The following LAMC1 variants were observed in gnomAD, a reference collection of about 807,000 sequenced individuals.
LAMC1 encodes the protein laminin subunit gamma-1.
LAMC1 carries 38 observed loss-of-function variants against 173.6 expected under a neutral mutation model. That is an observed-to-expected ratio of 0.22 (90% CI 0.17 to 0.29). LAMC1 has a LOEUF of 0.29. Ranked by LOEUF, LAMC1 falls within the 10% of genes least tolerant of loss-of-function variation. LAMC1 has a pLI of 1.00. For missense variants in LAMC1, 1,824 were observed against 2,051.8 expected, an observed-to-expected ratio of 0.89 and a Z score of 2.14; for synonymous variants, 746 against 749.1, an observed-to-expected ratio of 1.00 and a Z score of 0.07.
intron 1 of LAMC1, among the ~76,000 whole-genome samples, chr1:183,052,950 A>G (rs530841229): frequency 1.4e-3 from 215 of 152,292 alleles, no homozygotes; most frequent in African/African-American, 5.1e-3. Context: ...TTATTGTCTT[A>G]AGGGTATGTG....
At chr1:183,036,033 C>T (rs1043011616) in intron 1 of LAMC1, among the ~76,000 whole-genome samples, 2 of 151,978 alleles carry the variant, frequency 1.3e-5, no homozygotes, top group Non-Finnish European at 1.5e-5. Context: ...GAGTGCTGAC[C>T]ACCATTCTTC....
At chr1:183,142,506 C>A in intron 27 of LAMC1, 28 bp from the exon 28 acceptor site, 10 of 1,579,872 alleles carry the variant, frequency 6.3e-6, no homozygotes, top group Non-Finnish European at 8.6e-6. Context: ...TATGTCTGTT[C>A]TCTTCTATGT....
intron 4 of LAMC1, among the ~76,000 whole-genome samples, chr1:183,112,266 T>G (rs1242686439): frequency 2.6e-5 from 4 of 152,216 alleles, no homozygotes; most frequent in Non-Finnish European, 5.9e-5. Flanking sequence ...TGTTGGAAGC[T>G]CTACAATAAA....
Position 183,118,056 on chromosome 1 carries a change from C to T in LAMC1, c.1900C>T (p.Pro634Ser). 1 of 1,612,514 alleles carries T rather than the reference C, an allele frequency of 6.2e-7. No individual in the cohort carries two copies. Among genetic ancestry groups the T allele is most frequent in the Non-Finnish European group, 8.5e-7 (1 of 1,178,656 alleles). Residue 634 changes from proline to serine, a missense_variant, in exon 11 of 28, where the codon CCT becomes TCT. By Grantham distance (74) the Pro-to-Ser change is moderately conservative. Coordinates refer to ENST00000258341, the MANE Select transcript of LAMC1 (RefSeq NM_002293.4). ...VFRLHEATDY[P>S]WRPALTPFEF... The stretch of plus-strand genomic sequence containing the variant: ...CAGGCTCCATGAAGCAACAGATTAC[C>T]CTTGGAGGCCTGCTCTTACCCCTTT...
chr1:183,081,034 G>T (rs1190421617), intron 1 of LAMC1, among the ~76,000 whole-genome samples: 4 of 151,966 alleles, frequency 2.6e-5, no homozygotes, highest in Admixed American at 6.6e-5. Flanking sequence ...GACTACAGGT[G>T]CCTGCCACCA....
intron 1 of LAMC1, among the ~76,000 whole-genome samples, chr1:183,063,925 G>A (rs116879330): frequency 2.6e-5 from 4 of 152,066 alleles, no homozygotes; most frequent in African/African-American, 4.8e-5. Context: ...TGTTTACCTC[G>A]CACGTAGTTC....
At chr1:183,137,010 C>T (rs192087054) in intron 25 of LAMC1, among the ~76,000 whole-genome samples, 151 of 152,212 alleles carry the variant, frequency 9.9e-4, no homozygotes, top group African/African-American at 3.6e-3. Flanking sequence ...CTAGGAGAGA[C>T]TTCCCATAGC....
chr1:183,090,561 G>A (rs74129641), intron 1 of LAMC1, among the ~76,000 whole-genome samples: 3,526 of 152,330 alleles, frequency 0.023, 130 homozygotes, highest in African/African-American at 0.081. Context: ...GTACTTGCGT[G>A]ATGTAAATTG....
At chr1:183,100,032 A>G (rs1395440450) in intron 1 of LAMC1, among the ~76,000 whole-genome samples, 1 of 152,166 alleles carries the variant, frequency 6.6e-6, no homozygotes, top group Non-Finnish European at 1.5e-5. Flanking sequence ...ACCTCATGGA[A>G]TGGGAAAAAG....
At chr1:183,039,147 A>T (rs1338829070) in intron 1 of LAMC1, among the ~76,000 whole-genome samples, 1 of 151,688 alleles carries the variant, frequency 6.6e-6, no homozygotes, top group Non-Finnish European at 1.5e-5. Context: ...AGTTTAAAGA[A>T]TTTTTTCTAA....
intron 19 of LAMC1, 79 bp downstream of exon 19, chr1:183,130,628 T>A: frequency 8.9e-6 from 10 of 1,121,954 alleles, no homozygotes; most frequent in Non-Finnish European, 1.3e-5. Flanking sequence ...GGCAGTGGAG[T>A]GCTTCTTCAA....
At chr1:183,127,479 T>A in intron 17 of LAMC1, 75 bp downstream of exon 17, 3 of 1,374,430 alleles carry the variant, frequency 2.2e-6, no homozygotes, top group Admixed American at 1.8e-5. Context: ...CTAATCTCTA[T>A]AGAAAAAGTG....
chr1:183,128,727 T>A lies in LAMC1; in HGVS notation c.3257T>A (p.Leu1086His). 1 of 1,613,258 alleles carries A rather than the reference T, an allele frequency of 6.2e-7. No homozygotes were observed. The highest frequency in any genetic ancestry group is 8.5e-7 in the Non-Finnish European group (1 of 1,179,456). Reference protein sequence around the residue: ...KEAEREVMDLLREAQDVKDVD... With the variant: ...KEAEREVMDLHREAQDVKDVD... ...GCAGAGAGGGAAGTTATGGACCTCC[T>A]TCGTGAGGCCCAGGATGTCAAAGGT... Residue 1086 changes from leucine to histidine, a missense_variant, in exon 18 of 28, where the codon CTT (leucine) becomes CAT (histidine). Coordinates refer to ENST00000258341, the MANE Select transcript of LAMC1 (RefSeq NM_002293.4).
intron 11 of LAMC1, among the ~76,000 whole-genome samples, chr1:183,119,135 G>A (rs1343602132): frequency 3.9e-5 from 6 of 152,056 alleles, no homozygotes. Context: ...GACCTCAGGT[G>A]ATCCCCCTGC....
rs546924351 is a variant in LAMC1, at chr1:183,041,183, G to A, written c.418+17049G>A. Among the ~76,000 whole-genome samples the A allele has an allele frequency of 4.6e-4, 70 of 152,346 alleles. No individual in the cohort carries two copies. The South Asian group carries it at 0.015, about 32-fold the overall frequency. ...GGTGATGCAAATGCTACAGAAAAGA[G>A]TACTGTGTCAGGCTTAATTAATGGA... On this transcript the variant is annotated intron_variant, in intron 1 of 27. Coordinates refer to ENST00000258341, the MANE Select transcript of LAMC1 (RefSeq NM_002293.4).
chr1:183,134,582 T>TA, intron 22 of LAMC1, 78 bp from the exon 23 acceptor site: 1 of 1,169,254 alleles, frequency 8.6e-7, no homozygotes, highest in Non-Finnish European at 1.2e-6. Flanking sequence ...TATTAGGTGT[T>TA]ACAGAGTTCC....
At chr1:183,110,442 G>T (rs1404393344) in intron 3 of LAMC1, 46 bp from the exon 4 acceptor site, 1 of 1,481,784 alleles carries the variant, frequency 6.7e-7, no homozygotes. Flanking sequence ...GCATTTCTGG[G>T]ACTTTGCAGC....
At chr1:183,096,241 C>T (rs778274171) in intron 1 of LAMC1, among the ~76,000 whole-genome samples, 5 of 151,964 alleles carry the variant, frequency 3.3e-5, no homozygotes, top group Non-Finnish European at 5.9e-5. Flanking sequence ...GATACTTCAT[C>T]GAAAAATCTA....
chr1:183,130,614 T>G, intron 19 of LAMC1, 65 bp downstream of exon 19: 1 of 1,275,836 alleles, frequency 7.8e-7, no homozygotes, highest in Non-Finnish European at 1.1e-6. Flanking sequence ...GCAAGTCTGT[T>G]ACTGGCAGTG....
Sources: gnomAD v4.1 joint callset for allele counts (sites outside exome capture counted in the v4.1 genomes callset) on GRCh38, gnomAD v4.1.1 for gene constraint, MANE v1.5 for transcripts, NCBI Gene and HGNC (gene_info 2026-07-23, HGNC 2026-07-21) for gene names.